Variants in DLG2 observed in about 807,000 individuals in gnomAD.
DLG2 encodes disks large homolog 2.
In DLG2, 45 loss-of-function variants were observed where a neutral mutation model predicts 132.5. The ratio of observed to expected loss-of-function variants is 0.34; its 90% confidence interval spans 0.27 to 0.44. The LOEUF (loss-of-function observed/expected upper bound fraction) is 0.44, where lower values mean the gene tolerates loss of function less well. DLG2 is among the 20% of genes least tolerant of loss of function. DLG2 has a pLI of 1.00. For synonymous variants in DLG2, 424 were observed against 419.6 expected (o/e 1.01, Z -0.13); for missense variants, 1,045 against 1,196.9 (o/e 0.87, Z 1.87).
At chr11:85,179,713 C>T (rs1032230251) in intron 4 of DLG2, among the ~76,000 whole-genome samples, 6 of 151,594 alleles carry the variant, frequency 4.0e-5, no homozygotes, top group African/African-American at 9.7e-5. Context: ...CCTTAAATGG[C>T]GGAATAAGTC....
intron 6 of DLG2, among the ~76,000 whole-genome samples, chr11:84,591,036 A>G (rs747365034): frequency 2.0e-5 from 3 of 152,084 alleles, no homozygotes; most frequent in Non-Finnish European, 4.4e-5. Flanking sequence ...GTGCCACACA[A>G]AAGTTTCTAG....
intron 6 of DLG2, among the ~76,000 whole-genome samples, chr11:85,106,614 T>G (rs1301601181): frequency 1.3e-5 from 2 of 152,024 alleles, no homozygotes; most frequent in African/African-American, 4.8e-5. Flanking sequence ...TTCTAGCACT[T>G]ACTAAGCACT....
At chr11:84,997,360 T>C (rs574204359) in intron 6 of DLG2, 15 of 152,296 alleles carry the variant, frequency 9.8e-5, no homozygotes, top group African/African-American at 2.9e-4. Context: ...ACCTGGATTG[T>C]TATATCTCTA....
intron 9 of DLG2, among the ~76,000 whole-genome samples, chr11:84,109,951 T>G (rs927887315): frequency 6.6e-6 from 1 of 152,148 alleles, no homozygotes; most frequent in Non-Finnish European, 1.5e-5. Context: ...ATTCTACCCC[T>G]GAAATACCCC....
At chr11:84,460,759 G>C (rs1567695281) in intron 7 of DLG2, among the ~76,000 whole-genome samples, 1 of 150,582 alleles carries the variant, frequency 6.6e-6, no homozygotes, top group East Asian at 1.9e-4. Context: ...TATATTATAT[G>C]CTAACCATTT....
At position 84,874,944 on chromosome 11, in the gene DLG2, C is replaced by G. The variant is rs189442254; in HGVS notation, c.357+236717G>C. On this transcript the variant is annotated intron_variant, in intron 6 of 27. Coordinates refer to ENST00000376104, the MANE Select transcript of DLG2 (RefSeq NM_001142699.3). ...GCTGAGGCAGGAGAATTGCTTGAAC[C>G]GGGAGGTGGACATTATAGTGAGTCG... is the stretch of plus-strand genomic sequence containing the variant. Among the ~76,000 whole-genome samples, 235 of 148,460 alleles carry G rather than the reference C, an allele frequency of 1.6e-3. 1 individual carries two copies. Among genetic ancestry groups the G allele is most frequent in the Non-Finnish European group, 2.2e-3 (146 of 67,610 alleles).
chr11:84,320,758 A>G (rs576268917), intron 7 of DLG2, among the ~76,000 whole-genome samples: 1 of 152,316 alleles, frequency 6.6e-6, no homozygotes, highest in Admixed American at 6.5e-5. Context: ...CAAAGATTTA[A>G]CCAAAACAGA....
At chr11:84,030,089 T>A (rs1014225519) in intron 11 of DLG2, among the ~76,000 whole-genome samples, 2 of 152,092 alleles carry the variant, frequency 1.3e-5, no homozygotes, top group Non-Finnish European at 2.9e-5. Context: ...ACCTTCCGTC[T>A]CCCCCAAATA....
In DLG2 at chr11:83,762,321, T is replaced by C. The variant is rs533926651; in HGVS notation, c.1825+24369A>G. On this transcript the variant is annotated intron_variant, in intron 18 of 27. Transcript: ENST00000376104. ...TTCTTAACAAGTATCTGGTCCTTTCTGATGCTATGTGACAGAGCAGGGAAG... is the reference window on the plus strand; with the variant it reads ...TTCTTAACAAGTATCTGGTCCTTTCCGATGCTATGTGACAGAGCAGGGAAG... Among the ~76,000 whole-genome samples the C allele has an allele frequency of 3.9e-5, 6 of 152,362 alleles. No individual in the cohort carries two copies. In the East Asian group the frequency reaches 1.2e-3, roughly 29 times the overall value.
intron 3 of DLG2, among the ~76,000 whole-genome samples, chr11:85,428,007 A>G (rs1659166807): frequency 2.0e-5 from 3 of 152,338 alleles, no homozygotes; most frequent in South Asian, 4.1e-4. Flanking sequence ...CTTTAAACCA[A>G]CAAAGATCAA....
intron 4 of DLG2, among the ~76,000 whole-genome samples, chr11:85,215,398 T>C (rs1045614019): frequency 1.3e-5 from 2 of 152,212 alleles, no homozygotes; most frequent in African/African-American, 2.4e-5. Context: ...CAATTATATA[T>C]GAAGAACACA....
intron 7 of DLG2, chr11:84,437,662 G>A (rs1449701235): frequency 6.6e-6 from 1 of 152,378 alleles, no homozygotes; most frequent in African/African-American, 2.4e-5. Flanking sequence ...TGTTTGGCCA[G>A]TCTGCAGGTA....
chr11:84,221,172 AT>A (rs531909904), intron 8 of DLG2, among the ~76,000 whole-genome samples: 203 of 152,046 alleles, frequency 1.3e-3, no homozygotes, highest in African/African-American at 4.6e-3. Flanking sequence ...CTGTGTAACC[AT>A]TAAAATTTAA....
chr11:84,655,496 A>C (rs2099687073), intron 6 of DLG2, among the ~76,000 whole-genome samples: 1 of 152,124 alleles, frequency 6.6e-6, no homozygotes, highest in Non-Finnish European at 1.5e-5. Flanking sequence ...TACACCATCT[A>C]TTTCTTAAGC....
At chr11:84,797,989 C>T (rs1460540681) in intron 6 of DLG2, among the ~76,000 whole-genome samples, 1 of 152,144 alleles carries the variant, frequency 6.6e-6, no homozygotes, top group Non-Finnish European at 1.5e-5. Context: ...CAGGCAGATA[C>T]TCTTGCTCTC....
At chr11:85,395,777 G>A (rs1596877673) in intron 3 of DLG2, among the ~76,000 whole-genome samples, 1 of 152,202 alleles carries the variant, frequency 6.6e-6, no homozygotes, top group South Asian at 2.1e-4. Context: ...AAACTGGGTG[G>A]AGCCCACCAC....
At chr11:83,519,533 A>G (rs976765539) in intron 21 of DLG2, among the ~76,000 whole-genome samples, 1 of 152,164 alleles carries the variant, frequency 6.6e-6, no homozygotes, top group Non-Finnish European at 1.5e-5. Context: ...GTGCCCAGAA[A>G]TATTATTTTC....
At chr11:85,580,897 TC>T (rs2078470671) in intron 3 of DLG2, among the ~76,000 whole-genome samples, 1 of 152,246 alleles carries the variant, frequency 6.6e-6, no homozygotes, top group South Asian at 2.1e-4. Flanking sequence ...ATGGTTCTTC[TC>T]CATTTGTCCT....
At chr11:85,594,478 T>C (rs1258958101) in intron 3 of DLG2, among the ~76,000 whole-genome samples, 2 of 152,094 alleles carry the variant, frequency 1.3e-5, no homozygotes, top group African/African-American at 4.8e-5. Context: ...CTCCAAAAAA[T>C]TCCCCCTCAC....
Sources: gnomAD v4.1 joint callset for allele counts (sites outside exome capture counted in the v4.1 genomes callset) on GRCh38, gnomAD v4.1.1 for gene constraint, MANE v1.5 for transcripts, NCBI Gene and HGNC (gene_info 2026-07-23, HGNC 2026-07-21) for gene names.